PREX2: variants seen among roughly 807,000 people sequenced by gnomAD.
PREX2 encodes the protein phosphatidylinositol 3,4,5-trisphosphate-dependent Rac exchanger 2 protein.
In PREX2, 107 loss-of-function variants were observed where a neutral mutation model predicts 203.2. The observed-to-expected ratio is 0.53, with a 90% CI of 0.45 to 0.62. PREX2 has a LOEUF of 0.62. Ranked by LOEUF, PREX2 falls within the 20% of genes least tolerant of loss-of-function variation. The pLI is 0.00. For synonymous variants in PREX2, 672 were observed against 663.6 expected (o/e 1.01, Z -0.19); for missense variants, 1,777 against 1,955.9 (o/e 0.91, Z 1.72).
At position 68,019,545 on chromosome 8, in the gene PREX2, A is replaced by G. The variant is rs777598575; in HGVS notation, c.214-4A>G. Reference sequence around the variant, plus strand: ...AGCTTACTTACACATTTGTTTATTTACAGATGTTGTTCTCAAACATTGAAG... The same window carrying G: ...AGCTTACTTACACATTTGTTTATTTGCAGATGTTGTTCTCAAACATTGAAG... On this transcript the variant is annotated splice_polypyrimidine_tract_variant and splice_region_variant and intron_variant, in intron 2 of 39. Coordinates refer to ENST00000288368, the MANE Select transcript of PREX2 (RefSeq NM_024870.4). The G allele has an allele frequency of 1.2e-5, 19 of 1,603,900 alleles. No homozygotes were observed. The highest frequency in any genetic ancestry group is 1.3e-5 in the Non-Finnish European group (15 of 1,176,024).
chr8:68,080,674 T>A, intron 16 of PREX2, 72 bp from the exon 17 acceptor site: 1 of 1,434,230 alleles, frequency 7.0e-7, no homozygotes, highest in Non-Finnish European at 9.6e-7. Context: ...TGATGCACAT[T>A]ACTTCGTTCT....
chr8:68,085,407 G>A (rs990362003), intron 18 of PREX2, among the ~76,000 whole-genome samples: 1 of 151,964 alleles, frequency 6.6e-6, no homozygotes, highest in Non-Finnish European at 1.5e-5. Flanking sequence ...TTATTCTAAT[G>A]TATGAGTTCT....
At chr8:68,185,556 T>A (rs1407498343) in intron 35 of PREX2, among the ~76,000 whole-genome samples, 1 of 152,212 alleles carries the variant, frequency 6.6e-6, no homozygotes, top group Non-Finnish European at 1.5e-5. Context: ...ATCACTTCCC[T>A]GTCTTGCATT....
intron 37 of PREX2, among the ~76,000 whole-genome samples, chr8:68,213,387 A>G (rs1355748675): frequency 6.6e-6 from 1 of 152,226 alleles, no homozygotes; most frequent in Admixed American, 6.5e-5. Context: ...AGGGATTCGT[A>G]CAAGTAAGGG....
intron 10 of PREX2, among the ~76,000 whole-genome samples, chr8:68,057,553 G>A (rs1808717032): frequency 6.6e-6 from 1 of 152,174 alleles, no homozygotes; most frequent in Non-Finnish European, 1.5e-5. Context: ...CTATACTGTT[G>A]CTTGTAGGTA....
intron 6 of PREX2, among the ~76,000 whole-genome samples, chr8:68,037,068 G>A (rs1266615979): frequency 6.6e-6 from 1 of 152,166 alleles, no homozygotes; most frequent in African/African-American, 2.4e-5. Flanking sequence ...GTAGGTGTTA[G>A]TTGTCATTTT....
intron 15 of PREX2, among the ~76,000 whole-genome samples, chr8:68,078,464 C>T (rs1428301249): frequency 6.6e-6 from 1 of 152,106 alleles, no homozygotes; most frequent in Non-Finnish European, 1.5e-5. Flanking sequence ...TGCCTGGCCT[C>T]TTTTTAATTA....
intron 33 of PREX2, among the ~76,000 whole-genome samples, chr8:68,140,128 C>T (rs1302689770): frequency 1.3e-5 from 2 of 152,154 alleles, no homozygotes; most frequent in African/African-American, 4.8e-5. Context: ...AAAATACTTC[C>T]TTACTGCATA....
intron 39 of PREX2, among the ~76,000 whole-genome samples, chr8:68,228,970 AAG>A (rs1491464038): frequency 1.4e-4 from 10 of 72,520 alleles, no homozygotes; most frequent in Non-Finnish European, 2.3e-4. Flanking sequence ...AAAAAAAAGA[AAG>A]AAAAAAATGG....
chr8:67,972,674 G>A (rs987468503), intron 1 of PREX2, among the ~76,000 whole-genome samples: 1 of 152,146 alleles, frequency 6.6e-6, no homozygotes, highest in Non-Finnish European at 1.5e-5. Context: ...TAGGTTCCCT[G>A]ATGAAACTCT....
chr8:68,037,929 A>G (rs987855505), intron 6 of PREX2, among the ~76,000 whole-genome samples: 7 of 152,306 alleles, frequency 4.6e-5, no homozygotes, highest in Admixed American at 1.3e-4. Flanking sequence ...CACACCTGGA[A>G]GGAGACACAG....
intron 34 of PREX2, among the ~76,000 whole-genome samples, chr8:68,149,366 A>C (rs1811388687): frequency 6.6e-6 from 1 of 152,240 alleles, no homozygotes; most frequent in African/African-American, 2.4e-5. Context: ...ACAGGAACCT[A>C]GGCAGACAAA....
chr8:67,973,938 C>A (rs1183016917), intron 1 of PREX2, among the ~76,000 whole-genome samples: 1 of 152,168 alleles, frequency 6.6e-6, no homozygotes, highest in African/African-American at 2.4e-5. Context: ...AAGGTCCTTT[C>A]ACTTATTGCA....
intron 25 of PREX2, chr8:68,114,342 A>G (rs1293319404): frequency 2.0e-6 from 1 of 502,394 alleles, no homozygotes; most frequent in Non-Finnish European, 4.0e-6. Flanking sequence ...CAAACATTAC[A>G]TTGCTATGGA....
intron 8 of PREX2, among the ~76,000 whole-genome samples, chr8:68,050,258 A>G (rs964916325): frequency 1.3e-5 from 2 of 152,146 alleles, no homozygotes; most frequent in Non-Finnish European, 2.9e-5. Context: ...TTGCACTGCT[A>G]TCACTACCCG....
At chr8:67,976,109 C>A (rs576046641) in intron 1 of PREX2, among the ~76,000 whole-genome samples, 1 of 152,184 alleles carries the variant, frequency 6.6e-6, no homozygotes, top group African/African-American at 2.4e-5. Flanking sequence ...TGCAACTAGT[C>A]CCCAAAGTTG....
intron 1 of PREX2, among the ~76,000 whole-genome samples, chr8:67,953,295 T>C (rs1400032077): frequency 6.6e-6 from 1 of 151,486 alleles, no homozygotes; most frequent in Non-Finnish European, 1.5e-5. Flanking sequence ...GATGTACTTA[T>C]ATTCCACGTT....
Position 68,108,262 on chromosome 8 carries a change from G to T in PREX2, c.2869G>T (p.Ala957Ser), listed in dbSNP as rs766760003. The T allele has an allele frequency of 6.2e-7, 1 of 1,613,952 alleles. No individual in the cohort carries two copies. Among genetic ancestry groups the T allele is most frequent in the Admixed American group, 1.7e-5 (1 of 59,998 alleles). ...YPKTSTSLGS[A>S]FGVQLDSRKH... ...CAAAACATCAACCTCTTTGGGAAGTGCATTTGGTGTTCAGTTGGATAGCAG... is the reference window on the plus strand; with the variant it reads ...CAAAACATCAACCTCTTTGGGAAGTTCATTTGGTGTTCAGTTGGATAGCAG... The change falls in exon 24 of 40, where the codon GCA (alanine) becomes TCA (serine). Residue 957 changes from alanine to serine, a missense_variant. Physicochemically the swap from Ala to Ser is moderately conservative, Grantham distance 99. Transcript: ENST00000288368.
In PREX2 at chr8:68,142,955, G is replaced by A. The variant is rs185068874; in HGVS notation, c.4088-3254G>A. Among the ~76,000 whole-genome samples the A allele has an allele frequency of 4.8e-3, 737 of 152,196 alleles. 6 individuals are homozygous for A. Among genetic ancestry groups the A allele is most frequent in the African/African-American group, 0.016 (685 of 41,538 alleles). On this transcript the variant is annotated intron_variant, in intron 33 of 39. Coordinates refer to ENST00000288368, the MANE Select transcript of PREX2 (RefSeq NM_024870.4). ...CACTCCACATCCTTGTCAGCATTTG[G>A]TGTTGTCAGTGTTCTGGATTTTGGC...
Sources: allele counts gnomAD v4.1 joint callset (sites outside exome capture counted in the v4.1 genomes callset), GRCh38; gene constraint gnomAD v4.1.1; transcripts MANE v1.5; gene names NCBI Gene and HGNC (gene_info 2026-07-23, HGNC 2026-07-21).